The following ANO5 variants were observed in gnomAD, a reference collection of about 807,000 sequenced individuals.
ANO5 encodes the protein anoctamin-5.
In ANO5, 109 loss-of-function variants were observed where a neutral mutation model predicts 121.0. The observed-to-expected ratio is 0.90, with a 90% CI of 0.77 to 1.06. The LOEUF (loss-of-function observed/expected upper bound fraction) is 1.06, where lower values mean the gene tolerates loss of function less well. ANO5 is among the 50% of genes least tolerant of loss of function. The probability of loss-of-function intolerance (pLI) is 0.00; values close to 1 mark genes in which losing one functional copy is unlikely to be tolerated. For missense variants in ANO5, 1,064 were observed against 1,078.5 expected, an observed-to-expected ratio of 0.99 and a Z score of 0.19; for synonymous variants, 406 against 359.9, an observed-to-expected ratio of 1.13 and a Z score of -1.45.
At position 22,236,603 on chromosome 11, in the gene ANO5, A is replaced by C. The variant is rs190601152; in HGVS notation, c.762+327A>C. ...TTGGAAATTTCTATCTGAGTCCTTT[A>C]GTTCTTTTCTCATTTATAAAGTTTT... On this transcript the variant is annotated intron_variant, in intron 8 of 21. Coordinates refer to ENST00000324559, the MANE Select transcript of ANO5 (RefSeq NM_213599.3). Among the ~76,000 whole-genome samples, 19 of 152,318 alleles carry C rather than the reference A, an allele frequency of 1.2e-4. No homozygotes were observed. The East Asian group carries it at 3.3e-3, about 26-fold the overall frequency.
At chr11:22,213,958 A>G (rs1263780023) in intron 3 of ANO5, among the ~76,000 whole-genome samples, 1 of 151,902 alleles carries the variant, frequency 6.6e-6, no homozygotes, top group East Asian at 1.9e-4. Context: ...GCTGGAGTCC[A>G]GTGGCATGAT....
rs1228408178 is a variant in ANO5 at position 22,279,793 on chromosome 11, T to A, written c.*28T>A. ...AGTATAGTGAGGAAGCAGCAGGTGATCTGCCTTACTTCACTTTATCCTCTG... is the reference window on the plus strand; with the variant it reads ...AGTATAGTGAGGAAGCAGCAGGTGAACTGCCTTACTTCACTTTATCCTCTG... On this transcript the variant is annotated 3_prime_UTR_variant, in exon 22 of 22. Transcript: ENST00000324559. 6.3e-6 allele frequency: 10 copies of A among 1,576,566 alleles called. No homozygotes were observed. Among genetic ancestry groups the A allele is most frequent in the Non-Finnish European group, 8.7e-6 (10 of 1,148,534 alleles).
At chr11:22,263,702 T>C (rs534088644) in intron 17 of ANO5, among the ~76,000 whole-genome samples, 1 of 152,260 alleles carries the variant, frequency 6.6e-6, no homozygotes, top group South Asian at 2.1e-4. Flanking sequence ...GGGCTCCTAG[T>C]TAGGAAATGA....
chr11:22,277,143 G>C (rs1341175358), intron 21 of ANO5, among the ~76,000 whole-genome samples: 10 of 151,180 alleles, frequency 6.6e-5, no homozygotes, highest in African/African-American at 2.4e-4. Flanking sequence ...TTTAGGTTGA[G>C]CTATCAATTA....
chr11:22,283,262 T>A lies in ANO5; in HGVS notation c.*3497T>A, dbSNP rs1377956314. The A allele has an allele frequency of 2.6e-5, 4 of 152,182 alleles. No individual in the cohort carries two copies. The highest frequency in any genetic ancestry group is 1.5e-5 in the Non-Finnish European group (1 of 68,016). 9.4% of individuals were successfully genotyped at this position (152,182 alleles called of 1,614,324 possible). A position where few individuals can be genotyped will look rare whatever the true frequency, so the allele number is the denominator to read the frequency against. On this transcript the variant is annotated 3_prime_UTR_variant, in exon 22 of 22. Transcript: ENST00000324559. ...GTTTTTTTTTCCAGGAAGAGAAATA[T>A]GCAGTTATGCAGGAAAAGCTCTCTT...
At chr11:22,223,971 G>T (rs530097788) in intron 5 of ANO5, among the ~76,000 whole-genome samples, 9 of 151,672 alleles carry the variant, frequency 5.9e-5, no homozygotes, top group Non-Finnish European at 1.3e-4. Context: ...AAATCCAATG[G>T]TCAAGCCTCA....
At chr11:22,237,869 C>A (rs1014111653) in intron 8 of ANO5, among the ~76,000 whole-genome samples, 2 of 151,984 alleles carry the variant, frequency 1.3e-5, no homozygotes, top group Non-Finnish European at 2.9e-5. Context: ...CCCTTGGATA[C>A]CAAAATCCCA....
intron 3 of ANO5, among the ~76,000 whole-genome samples, chr11:22,216,910 T>A (rs373903509): frequency 6.6e-6 from 1 of 151,852 alleles, no homozygotes; most frequent in Non-Finnish European, 1.5e-5. Flanking sequence ...AATTCTTTAA[T>A]GAATTTAGGG....
At position 22,262,210 on chromosome 11, in the gene ANO5, C is replaced by G. The variant is rs1358754039; in HGVS notation, c.1712C>G (p.Ser571Cys). 1.2e-6 allele frequency: 2 copies of G among 1,613,762 alleles called. No individual in the cohort carries two copies. Among genetic ancestry groups the G allele is most frequent in the East Asian group, 2.2e-5 (1 of 44,842 alleles). Residue 571 changes from serine to cysteine, a missense_variant, in exon 16 of 22, where the codon TCC becomes TGC. Transcript: ENST00000324559. ...TTTCAGTTTGTAAATTTTTACTCAT[C>G]CTGCTTCTACGTAGCTTTCTTTAAA... ...FLFQFVNFYS[S>C]CFYVAFFKGK...
intron 3 of ANO5, among the ~76,000 whole-genome samples, chr11:22,212,419 C>T (rs1419922312): frequency 6.6e-6 from 1 of 151,810 alleles, no homozygotes; most frequent in African/African-American, 2.4e-5. Flanking sequence ...AAAATGAATA[C>T]CCTTGGGAAT....
intron 2 of ANO5, among the ~76,000 whole-genome samples, chr11:22,208,981 A>G (rs1201707020): frequency 6.6e-6 from 1 of 151,960 alleles, no homozygotes; most frequent in Non-Finnish European, 1.5e-5. Flanking sequence ...GTATTATAGC[A>G]TATTCATTCA....
At chr11:22,203,229 C>T (rs940730137) in intron 1 of ANO5, among the ~76,000 whole-genome samples, 1 of 152,024 alleles carries the variant, frequency 6.6e-6, no homozygotes, top group African/African-American at 2.4e-5. Flanking sequence ...AAGTTGGAAC[C>T]ACTAGAAAAT....
intron 5 of ANO5, among the ~76,000 whole-genome samples, chr11:22,223,918 T>C (rs1852740795): frequency 6.6e-6 from 1 of 151,856 alleles, no homozygotes; most frequent in Non-Finnish European, 1.5e-5. Flanking sequence ...AACCTATTCC[T>C]TTCAAGCCTT....
intron 7 of ANO5, among the ~76,000 whole-genome samples, chr11:22,235,937 C>G (rs1398150292): frequency 6.6e-6 from 1 of 152,072 alleles, no homozygotes; most frequent in African/African-American, 2.4e-5. Flanking sequence ...GGTCTGTTCA[C>G]CCCTGCACCC....
intron 17 of ANO5, among the ~76,000 whole-genome samples, chr11:22,267,635 G>GTTAAT (rs67911833): frequency 8.6e-4 from 5 of 5,840 alleles, no homozygotes; most frequent in Non-Finnish European, 2.1e-3. Flanking sequence ...TTTTTTAACT[G>GTTAAT]TTCAGAGGTA....
At position 22,272,776 on chromosome 11, in the gene ANO5, C is replaced by G; in HGVS notation, c.2030-8C>G. On this transcript the variant is annotated splice_polypyrimidine_tract_variant and splice_region_variant and intron_variant, in intron 18 of 21. Transcript: ENST00000324559. ...TAATGAGTTCATGCCTTTTTCTTTTCTCTACAGTTACTCAATTTGGATTTG... is the reference window on the plus strand; with the variant it reads ...TAATGAGTTCATGCCTTTTTCTTTTGTCTACAGTTACTCAATTTGGATTTG... 6.2e-7 allele frequency: 1 copy of G among 1,612,524 alleles called. No homozygotes were observed. Among genetic ancestry groups the G allele is most frequent in the Non-Finnish European group, 8.5e-7 (1 of 1,178,714 alleles).
In ANO5 at chr11:22,218,247, C is replaced by T. The variant is rs750235317; in HGVS notation, c.140C>T (p.Pro47Leu). 7 of 1,613,192 alleles carry T rather than the reference C, an allele frequency of 4.3e-6. No individual in the cohort carries two copies. The highest frequency in any genetic ancestry group is 5.1e-6 in the Non-Finnish European group (6 of 1,179,674). The change falls in exon 4 of 22, where the codon CCT (proline) becomes CTT (leucine). Residue 47 changes from proline (P) to leucine (L), a missense_variant and splice_region_variant. Physicochemically the swap from Pro to Leu is moderately conservative, Grantham distance 98 (BLOSUM62 -3). Transcript: ENST00000324559. Reference protein sequence around the residue: ...TSFLINEETMPAKRFNLFLRR... With the variant: ...TSFLINEETMLAKRFNLFLRR... ...AATTCTTTATTGGTTGCTTCACAGCCTGCAAAGCGATTCAATTTGTTCCTG... is the reference window on the plus strand; with the variant it reads ...AATTCTTTATTGGTTGCTTCACAGCTTGCAAAGCGATTCAATTTGTTCCTG...
chr11:22,279,909 C>T lies in ANO5; in HGVS notation c.*144C>T, dbSNP rs1295266673. ...TTTTTTTAAACTCAAAGTTTTTATA[C>T]ACTTTTATAGAGGCCAACTTTGTGA... is the stretch of plus-strand genomic sequence containing the variant. On this transcript the variant is annotated 3_prime_UTR_variant, in exon 22 of 22. Coordinates refer to ENST00000324559, the MANE Select transcript of ANO5 (RefSeq NM_213599.3). The T allele has an allele frequency of 1.4e-6, 1 of 731,704 alleles. No individual in the cohort carries two copies. Among genetic ancestry groups the T allele is most frequent in the Admixed American group, 2.9e-5 (1 of 34,664 alleles). The allele number at this position is 731,704 out of a possible 1,614,324, so 45.3% of individuals were successfully genotyped here. A position where few individuals can be genotyped will look rare whatever the true frequency, so the allele number is the denominator to read the frequency against.
intron 12 of ANO5, among the ~76,000 whole-genome samples, chr11:22,253,017 T>C (rs1853879194): frequency 6.6e-6 from 1 of 152,148 alleles, no homozygotes; most frequent in East Asian, 1.9e-4. Context: ...CACCATGGCT[T>C]TCATCTCCAT....
Sources: allele counts gnomAD v4.1 joint callset (sites outside exome capture counted in the v4.1 genomes callset), GRCh38; gene constraint gnomAD v4.1.1; transcripts MANE v1.5; gene names NCBI Gene and HGNC (gene_info 2026-07-23, HGNC 2026-07-21).